The following DOK4 variants were observed in gnomAD, a reference collection of about 807,000 sequenced individuals.
DOK4 encodes downstream of tyrosine kinase 4.
Under a neutral mutation model 40.1 loss-of-function variants are expected in DOK4, and 26 were observed. That is an observed-to-expected ratio of 0.65 (90% confidence interval 0.48 to 0.90). The LOEUF is 0.90. Ranked by LOEUF, DOK4 falls within the 40% of genes least tolerant of loss-of-function variation. The pLI is 0.00. For synonymous variants in DOK4, 179 were observed against 177.0 expected (o/e 1.01, Z -0.09); for missense variants, 392 against 437.2 (o/e 0.90, Z 0.92).
At chr16:57,473,872 GT>G in intron 7 of DOK4, 28 bp downstream of exon 7, 2 of 1,259,330 alleles carry the variant, frequency 1.6e-6, no homozygotes, top group Non-Finnish European at 2.2e-6. Flanking sequence ...CCCTCCCCCC[GT>G]ACCCTGGACT....
chr16:57,473,468 C>G, exon 9 of DOK4: 1 of 1,614,208 alleles, frequency 6.2e-7, no homozygotes, highest in South Asian at 1.1e-5. Context: ...TGTTTCCGAG[C>G]TGGCCTGGGC....
rs1175210038 is a variant in DOK4, at chr16:57,485,733, C to A, written c.-182+572G>T. On this transcript the variant is annotated intron_variant, in intron 1 of 8. Coordinates refer to ENST00000340099, the Ensembl canonical transcript of DOK4. The surrounding 1 kb of genome is among the most constrained non-coding windows in gnomAD (Gnocchi z 4.3). ...GTAACTGGATCTAGGGCCTTGCGGG[C>A]CCTGGGGGAGAAGGTGGACAGGACC... 6.6e-6 allele frequency among the ~76,000 whole-genome samples: 1 copy of A among 152,190 alleles called. No individual in the cohort carries two copies. The highest frequency in any genetic ancestry group is 1.5e-5 in the Non-Finnish European group (1 of 68,042).
chr16:57,473,379 A>T, exon 9 of DOK4: 1 of 1,612,992 alleles, frequency 6.2e-7, no homozygotes, highest in Non-Finnish European at 8.5e-7. Context: ...CACTGTGGTC[A>T]CTGGGATGGG....
chr16:57,476,313 C>T (rs2031181826), intron 2 of DOK4: 1 of 238,778 alleles, frequency 4.2e-6, no homozygotes, highest in East Asian at 1.1e-4. Context: ...AGTCTCAGGG[C>T]CACTCCTGAG....
Position 57,473,466 on chromosome 16 carries a change from A to G in DOK4, c.892T>C (p.Ser298Pro), listed in dbSNP as rs769963864. Reference sequence around the variant, plus strand: ...AATCTGTTGAGGAGGTCTGTTTCCGAGCTGGCCTGGGCTGCCCCATACCCC... The same window carrying G: ...AATCTGTTGAGGAGGTCTGTTTCCGGGCTGGCCTGGGCTGCCCCATACCCC... The change falls in exon 9 of 9, where the codon TCG becomes CCG. Residue 298 changes from serine (S) to proline (P), a missense_variant. Transcript: ENST00000340099. The G allele has an allele frequency of 6.2e-6, 10 of 1,614,140 alleles. No homozygotes were observed. In the South Asian group the frequency reaches 9.9e-5, roughly 16 times the overall value.
In DOK4 at chr16:57,479,102, C is replaced by T. The variant is rs990712317; in HGVS notation, c.66+340G>A. Among the ~76,000 whole-genome samples the T allele has an allele frequency of 2.6e-5, 4 of 152,172 alleles. No homozygotes were observed. Among genetic ancestry groups the T allele is most frequent in the Non-Finnish European group, 4.4e-5 (3 of 68,030 alleles). On this transcript the variant is annotated intron_variant, in intron 2 of 8. Transcript: ENST00000340099. The surrounding 1 kb of genome is among the most constrained non-coding windows in gnomAD (Gnocchi z 5.8). ...GCTGCTTCTCAGCTCAGACACAGCC[C>T]GGCCTTGCCAGCCGCCCCTGCTGCT... is the stretch of plus-strand genomic sequence containing the variant.
At position 57,472,992 on chromosome 16, in the gene DOK4, TGGA is replaced by T. The variant is rs554011500; in HGVS notation, c.*382_*384del. The T allele has an allele frequency of 3.1e-3, 552 of 180,038 alleles. 3 individuals carry two copies. The highest frequency in any genetic ancestry group is 0.012 in the African/African-American group (529 of 42,408). The allele number at this position is 180,038 out of a possible 1,614,324, so 11.2% of individuals were successfully genotyped here. ...TCCTGGCAGCAGGAGGGCTGTGCCA[TGGA>T]GGATGGACACGACTGCACTCATACT... On this transcript the variant is annotated 3_prime_UTR_variant, in exon 9 of 9. Coordinates refer to ENST00000340099, the Ensembl canonical transcript of DOK4.
In DOK4 at chr16:57,474,708, C is replaced by T. The variant is rs190795579; in HGVS notation, c.599+85G>A. 498 of 1,514,542 alleles carry T rather than the reference C, an allele frequency of 3.3e-4. No homozygotes were observed. In the African/African-American group the frequency reaches 6.1e-3, roughly 18 times the overall value. 93.8% of individuals were successfully genotyped at this position (1,514,542 alleles called of 1,614,324 possible). A position where few individuals can be genotyped will look rare whatever the true frequency, so the allele number is the denominator to read the frequency against. ...TTGCTAGGCCAATAAGTAAACCAAG[C>T]TCCTAGCACAGTGCCCAACACAGAG... is the stretch of plus-strand genomic sequence containing the variant. On this transcript the variant is annotated intron_variant, in intron 6 of 8. Transcript: ENST00000340099.
At chr16:57,481,253 C>G (rs147701389) in intron 1 of DOK4, among the ~76,000 whole-genome samples, 11 of 152,142 alleles carry the variant, frequency 7.2e-5, no homozygotes, top group Non-Finnish European at 1.5e-4. Flanking sequence ...AGTGGGCACA[C>G]GCAAACAAGG....
exon 9 of DOK4, chr16:57,472,526 A>G (rs1331622315): frequency 6.6e-6 from 1 of 152,614 alleles, no homozygotes; most frequent in African/African-American, 2.4e-5. Context: ...CTGCTTGGGC[A>G]TTGTCCACCC....
At chr16:57,475,732 CCT>C in intron 3 of DOK4, 112 bp from the exon 4 acceptor site, 1 of 657,576 alleles carries the variant, frequency 1.5e-6, no homozygotes. Context: ...CCTTCTCTCT[CCT>C]CCTCTCCCTC....
In DOK4 at chr16:57,479,654, A is replaced by G; in HGVS notation, c.-147T>C. The stretch of plus-strand genomic sequence containing the variant: ...GGCTGCTCCTCACCTCACCCGCCTC[A>G]GCATTGTTCTAGCAGCTCCTTCGCC... On this transcript the variant is annotated 5_prime_UTR_variant, in exon 2 of 9. The change abolishes the stop of an existing upstream ORF in the 5' untranslated region. Coordinates refer to ENST00000340099, the Ensembl canonical transcript of DOK4. This position sits in a 1 kb window ranked among gnomAD's most constrained non-coding sequence, Gnocchi z 5.8. The G allele has an allele frequency of 2.6e-6, 2 of 757,990 alleles. No homozygotes were observed. Among genetic ancestry groups the G allele is most frequent in the Admixed American group, 2.1e-5 (1 of 46,566 alleles). 47.0% of individuals were successfully genotyped at this position (757,990 alleles called of 1,614,324 possible).
chr16:57,478,369 CAA>C (rs2031277118), intron 2 of DOK4, among the ~76,000 whole-genome samples: 3 of 147,708 alleles, frequency 2.0e-5, no homozygotes, highest in South Asian at 2.1e-4. Flanking sequence ...GCATGCCCCC[CAA>C]CCCCACTCAG....
Position 57,479,472 on chromosome 16 carries a change from G to A in DOK4, c.36C>T (p.Gly12=), listed in dbSNP as rs1268879078. The change falls in exon 2 of 9, where the codon GGC becomes GGT. Residue 12 remains glycine (G), a synonymous_variant. Transcript: ENST00000340099. The surrounding 1 kb of genome is among the most constrained non-coding windows in gnomAD (Gnocchi z 5.8). The stretch of plus-strand genomic sequence containing the variant: ...GCTTCCTGCTCTTCATCTTCACGTA[G>A]CCTTGCTTGACGATGTCACTGAAAT... 4 of 1,613,804 alleles carry A rather than the reference G, an allele frequency of 2.5e-6. No individual in the cohort carries two copies. Among genetic ancestry groups the A allele is most frequent in the Non-Finnish European group, 2.5e-6 (3 of 1,179,962 alleles).
intron 4 of DOK4, 34 bp downstream of exon 4, chr16:57,475,472 G>A (rs775115340): frequency 1.3e-5 from 20 of 1,564,716 alleles, no homozygotes; most frequent in South Asian, 6.8e-5. Flanking sequence ...ACCACCCCAG[G>A]GGAGGCAGAT....
chr16:57,481,713 G>A (rs1188366777), intron 1 of DOK4: 1 of 152,180 alleles, frequency 6.6e-6, no homozygotes, highest in Non-Finnish European at 1.5e-5. Flanking sequence ...GAATCCAGCT[G>A]GCTGTGTGGT....
At chr16:57,484,923 C>T (rs1399851772) in intron 1 of DOK4, among the ~76,000 whole-genome samples, 2 of 152,224 alleles carry the variant, frequency 1.3e-5, no homozygotes, top group South Asian at 2.1e-4. Flanking sequence ...GGCTCGGCCT[C>T]GTCTGTCTAG....
At chr16:57,483,869 G>C (rs1331980881) in intron 1 of DOK4, 2 of 152,246 alleles carry the variant, frequency 1.3e-5, no homozygotes, top group Non-Finnish European at 2.9e-5. Flanking sequence ...TCGCTCTCAG[G>C]GTTCCAGTGA....
rs2031515194 is a variant in DOK4, at chr16:57,485,383, C to T, written c.-182+922G>A. Among the ~76,000 whole-genome samples, 1 of 152,178 alleles carries T rather than the reference C, an allele frequency of 6.6e-6. No individual in the cohort carries two copies. The highest frequency in any genetic ancestry group is 6.5e-5 in the Admixed American group (1 of 15,282). On this transcript the variant is annotated intron_variant, in intron 1 of 8. Transcript: ENST00000340099. The surrounding 1 kb of genome is among the most constrained non-coding windows in gnomAD (Gnocchi z 4.3). ...AAGGCAAGCAACTGGGGAGAGGAGGCACAGCTCCTGGGATCAGAGTTGGGG... is the reference window on the plus strand; with the variant it reads ...AAGGCAAGCAACTGGGGAGAGGAGGTACAGCTCCTGGGATCAGAGTTGGGG...
Sources: allele counts gnomAD v4.1 joint callset (sites outside exome capture counted in the v4.1 genomes callset), GRCh38; gene constraint gnomAD v4.1.1; non-coding constraint Gnocchi (gnomAD v3.1); transcripts MANE v1.5; gene names NCBI Gene and HGNC (gene_info 2026-07-23, HGNC 2026-07-21).